The following ZFPM2 variants were observed in gnomAD, a reference collection of about 807,000 sequenced individuals.
ZFPM2 encodes the protein zinc finger protein, FOG family member 2, also known as zinc finger protein ZFPM2.
A neutral mutation model predicts 98.6 loss-of-function variants in ZFPM2; 20 were observed. That is an observed-to-expected ratio of 0.20 (90% CI 0.14 to 0.29). ZFPM2 has a LOEUF of 0.29. Ranked by LOEUF, ZFPM2 falls within the 10% of genes least tolerant of loss-of-function variation. ZFPM2 has a pLI of 1.00. For missense variants in ZFPM2, 1,310 were observed against 1,388.6 expected (o/e 0.94, Z 0.90); for synonymous variants, 518 against 502.7 (o/e 1.03, Z -0.41).
At chr8:105,484,289 A>AT (rs10716319) in intron 3 of ZFPM2, among the ~76,000 whole-genome samples, 1 of 151,834 alleles carries the variant, frequency 6.6e-6, no homozygotes, top group Non-Finnish European at 1.5e-5. Context: ...ATCTTAATAA[A>AT]TTTTTTTTAA....
At chr8:105,358,749 G>A (rs1812797969) in intron 1 of ZFPM2, 1 of 152,356 alleles carries the variant, frequency 6.6e-6, no homozygotes, top group Admixed American at 6.5e-5. Context: ...GAGGTCAAGA[G>A]ATCGAGACCA....
chr8:105,720,363 T>A (rs551822170), intron 5 of ZFPM2, among the ~76,000 whole-genome samples: 1 of 152,040 alleles, frequency 6.6e-6, no homozygotes, highest in Admixed American at 6.6e-5. Context: ...TGTTGAAATA[T>A]GATGAATTCC....
At chr8:105,399,319 G>C (rs1227766361) in intron 1 of ZFPM2, among the ~76,000 whole-genome samples, 1 of 152,200 alleles carries the variant, frequency 6.6e-6, no homozygotes, top group Non-Finnish European at 1.5e-5. Context: ...CACTGCATTA[G>C]CTCTGGTGAA....
intron 3 of ZFPM2, among the ~76,000 whole-genome samples, chr8:105,475,968 T>C (rs781771468): frequency 2.0e-5 from 3 of 152,212 alleles, no homozygotes; most frequent in Admixed American, 6.5e-5. Context: ...GCCAGAGCTG[T>C]AGAGTCAGAA....
chr8:105,483,472 C>T (rs1662975750), intron 3 of ZFPM2, among the ~76,000 whole-genome samples: 1 of 151,616 alleles, frequency 6.6e-6, no homozygotes, highest in Non-Finnish European at 1.5e-5. Flanking sequence ...CGCCTGTAAT[C>T]CCAGCTACTA....
At chr8:105,799,804 T>A (rs1164890335) in intron 7 of ZFPM2, among the ~76,000 whole-genome samples, 1 of 152,204 alleles carries the variant, frequency 6.6e-6, no homozygotes, top group Admixed American at 6.5e-5. Flanking sequence ...CACCTCTGGG[T>A]GACTTTCTTA....
chr8:105,514,446 A>G (rs16873284), intron 3 of ZFPM2, among the ~76,000 whole-genome samples: 6,080 of 151,800 alleles, frequency 0.04, 410 homozygotes, highest in African/African-American at 0.14. Context: ...TGTATCTAGC[A>G]TCAGTCCCAC....
At chr8:105,732,376 A>G (rs1811960294) in intron 5 of ZFPM2, among the ~76,000 whole-genome samples, 1 of 151,856 alleles carries the variant, frequency 6.6e-6, no homozygotes, top group Non-Finnish European at 1.5e-5. Context: ...TTAGAGATGC[A>G]GGTGTGACAT....
At chr8:105,648,638 C>G (rs1194404603) in intron 5 of ZFPM2, among the ~76,000 whole-genome samples, 5 of 152,150 alleles carry the variant, frequency 3.3e-5, no homozygotes, top group Non-Finnish European at 5.9e-5. Flanking sequence ...ATAGGGAATC[C>G]TTTCCCCATT....
chr8:105,579,793 A>AT (rs375712412), intron 4 of ZFPM2, among the ~76,000 whole-genome samples: 21 of 152,078 alleles, frequency 1.4e-4, no homozygotes, highest in Non-Finnish European at 2.1e-4. Flanking sequence ...CAAACTGATA[A>AT]TTTTTTTTCA....
intron 5 of ZFPM2, among the ~76,000 whole-genome samples, chr8:105,736,581 T>C (rs1812077874): frequency 6.6e-6 from 1 of 152,064 alleles, no homozygotes; most frequent in African/African-American, 2.4e-5. Flanking sequence ...ATAACTGTTC[T>C]GACAAATCCA....
chr8:105,758,834 G>A (rs750526615), intron 5 of ZFPM2, among the ~76,000 whole-genome samples: 1 of 151,970 alleles, frequency 6.6e-6, no homozygotes, highest in Non-Finnish European at 1.5e-5. Context: ...TGATATGAAT[G>A]GATTATTCAT....
chr8:105,774,056 C>T (rs1813042698), intron 5 of ZFPM2, among the ~76,000 whole-genome samples: 2 of 152,078 alleles, frequency 1.3e-5, no homozygotes, highest in African/African-American at 4.8e-5. Context: ...AATCTTTGTC[C>T]TAATATGTCT....
At chr8:105,733,152 T>G (rs1474306526) in intron 5 of ZFPM2, among the ~76,000 whole-genome samples, 1 of 151,920 alleles carries the variant, frequency 6.6e-6, no homozygotes, top group Non-Finnish European at 1.5e-5. Flanking sequence ...AATGTGTGCA[T>G]AAGCACTCAC....
intron 5 of ZFPM2, among the ~76,000 whole-genome samples, chr8:105,664,643 C>A (rs779155446): frequency 3.3e-5 from 5 of 152,098 alleles, no homozygotes; most frequent in South Asian, 2.1e-4. Context: ...CCATAAAATT[C>A]TTTAAGTATT....
intron 3 of ZFPM2, among the ~76,000 whole-genome samples, chr8:105,473,181 A>G (rs1359747127): frequency 6.6e-6 from 1 of 152,116 alleles, no homozygotes; most frequent in Admixed American, 6.5e-5. Flanking sequence ...GATTACAGGC[A>G]TAGACTGAGA....
chr8:105,660,115 A>C (rs931518686), intron 5 of ZFPM2, among the ~76,000 whole-genome samples: 1 of 152,220 alleles, frequency 6.6e-6, no homozygotes, highest in African/African-American at 2.4e-5. Context: ...CCTTGAATAA[A>C]TAAACTGGAA....
chr8:105,433,505 C>A (rs768364994), intron 2 of ZFPM2, among the ~76,000 whole-genome samples: 1 of 151,996 alleles, frequency 6.6e-6, no homozygotes, highest in African/African-American at 2.4e-5. Flanking sequence ...ATAGAAATTG[C>A]GGCTGGGCAC....
At chr8:105,601,953 A>G (rs1028310993) in intron 4 of ZFPM2, among the ~76,000 whole-genome samples, 10 of 152,160 alleles carry the variant, frequency 6.6e-5, no homozygotes, top group Non-Finnish European at 1.3e-4. Flanking sequence ...CTGAAGATTC[A>G]GAAACCCTCA....
Sources: allele counts gnomAD v4.1 joint callset (sites outside exome capture counted in the v4.1 genomes callset), GRCh38; gene constraint gnomAD v4.1.1; transcripts MANE v1.5; gene names NCBI Gene and HGNC (gene_info 2026-07-23, HGNC 2026-07-21).